DGLUCY: variants seen among roughly 807,000 people sequenced by gnomAD.
DGLUCY encodes D-glutamate cyclase.
Under a neutral mutation model 58.5 loss-of-function variants are expected in DGLUCY, and 58 were observed. The observed-to-expected ratio is 0.99, with a 90% CI of 0.80 to 1.23. The LOEUF (loss-of-function observed/expected upper bound fraction) is 1.23, where lower values mean the gene tolerates loss of function less well. Among genes scored for constraint, DGLUCY ranks in the 50% most tolerant of loss-of-function variants. DGLUCY has a pLI of 0.00. For synonymous variants in DGLUCY, 325 were observed against 314.1 expected (o/e 1.03, Z -0.37); for missense variants, 779 against 784.7 (o/e 0.99, Z 0.09).
At chr14:91,063,087 T>C (rs2043759875) in intron 1 of DGLUCY, among the ~76,000 whole-genome samples, 1 of 152,210 alleles carries the variant, frequency 6.6e-6, no homozygotes, top group African/African-American at 2.4e-5. Flanking sequence ...TACAATAGAA[T>C]GTATCAGGGA....
chr14:91,171,709 A>C (rs2048582361), intron 5 of DGLUCY, among the ~76,000 whole-genome samples: 1 of 152,226 alleles, frequency 6.6e-6, no homozygotes, highest in South Asian at 2.1e-4. Flanking sequence ...TAAATCTTTC[A>C]TAAGCTCTAT....
At chr14:91,173,022 G>T (rs1389296901) in intron 5 of DGLUCY, among the ~76,000 whole-genome samples, 1 of 152,156 alleles carries the variant, frequency 6.6e-6, no homozygotes, top group Non-Finnish European at 1.5e-5. Flanking sequence ...CTTGTATGCA[G>T]TTAAAGGCAT....
chr14:91,060,813 C>T (rs2043648116), intron 1 of DGLUCY: 1 of 166,450 alleles, frequency 6.0e-6, no homozygotes. Flanking sequence ...AGCCTCCCCG[C>T]CTCGCTCCTC....
chr14:91,188,032 GC>G, intron 8 of DGLUCY, among the ~76,000 whole-genome samples: 1 of 152,190 alleles, frequency 6.6e-6, no homozygotes, highest in Non-Finnish European at 1.5e-5. Context: ...TTGCTAGAGT[GC>G]TGTAACCTAG....
chr14:91,062,317 C>T (rs1253125321), intron 1 of DGLUCY, among the ~76,000 whole-genome samples: 1 of 151,580 alleles, frequency 6.6e-6, no homozygotes, highest in African/African-American at 2.4e-5. Context: ...GAGGCTGAGG[C>T]AGATGGATCA....
At chr14:91,138,795 T>G (rs898644442) in intron 1 of DGLUCY, among the ~76,000 whole-genome samples, 1 of 152,028 alleles carries the variant, frequency 6.6e-6, no homozygotes, top group Non-Finnish European at 1.5e-5. Flanking sequence ...AGGATGATGA[T>G]GATTACAATT....
At chr14:91,137,153 C>T (rs530012837) in intron 1 of DGLUCY, among the ~76,000 whole-genome samples, 17 of 149,982 alleles carry the variant, frequency 1.1e-4, no homozygotes, top group Admixed American at 8.6e-4. Flanking sequence ...TTTTTTTTCC[C>T]GTAGAGACAT....
intron 4 of DGLUCY, among the ~76,000 whole-genome samples, chr14:91,169,563 C>T (rs924953883): frequency 1.3e-5 from 2 of 152,114 alleles, no homozygotes; most frequent in African/African-American, 4.8e-5. Context: ...CTGTGTACCA[C>T]CATGCCTGGC....
chr14:91,100,236 A>G (rs953576461), intron 1 of DGLUCY, among the ~76,000 whole-genome samples: 1 of 152,194 alleles, frequency 6.6e-6, no homozygotes, highest in Non-Finnish European at 1.5e-5. Flanking sequence ...TCCTCCGCTT[A>G]GAAATGTCAT....
In DGLUCY at chr14:91,124,062, G is replaced by A. The variant is rs142024243; in HGVS notation, c.-82+9779G>A. Among the ~76,000 whole-genome samples, 519 of 151,798 alleles carry A rather than the reference G, an allele frequency of 3.4e-3. 4 individuals carry two copies. The highest frequency in any genetic ancestry group is 0.01 in the Middle Eastern group (3 of 294). On this transcript the variant is annotated intron_variant, in intron 1 of 13. Coordinates refer to ENST00000256324, the MANE Select transcript of DGLUCY (RefSeq NM_001102368.3). The stretch of plus-strand genomic sequence containing the variant: ...CCTACCTCAACTTCCTGAGTAGCTG[G>A]GACTACAGTCGCACGCCATCATGCC...
chr14:91,118,103 C>A (rs566598130), intron 1 of DGLUCY, among the ~76,000 whole-genome samples: 40 of 107,804 alleles, frequency 3.7e-4, no homozygotes, highest in African/African-American at 1.2e-3. Context: ...TTTTTTTAGA[C>A]GGAGTCTCAC....
Position 91,224,709 on chromosome 14 carries a change from T to C in DGLUCY, c.1742T>C (p.Val581Ala), listed in dbSNP as rs1887978638. ...IKEEKMLGIL[V>A]QHKVRSGVSG... is the part of the protein sequence containing the mutation. ...GAAGAAAAAATGCTGGGCATCTTGG[T>C]GCAGCACAAAGTCCGGAGTGGCGTC... The change falls in exon 14 of 14, where the codon GTG becomes GCG. Residue 581 changes from valine to alanine, a missense_variant. Val to Ala is a moderately conservative substitution (Grantham distance 64). Coordinates refer to ENST00000256324, the MANE Select transcript of DGLUCY (RefSeq NM_001102368.3). 1.9e-6 allele frequency: 3 copies of C among 1,609,872 alleles called. No homozygotes were observed. Among genetic ancestry groups the C allele is most frequent in the Non-Finnish European group, 2.5e-6 (3 of 1,176,624 alleles).
At chr14:91,169,123 GA>G (rs1488340081) in intron 4 of DGLUCY, among the ~76,000 whole-genome samples, 1 of 151,818 alleles carries the variant, frequency 6.6e-6, no homozygotes, top group Non-Finnish European at 1.5e-5. Context: ...ATTAAAAAAA[GA>G]AAAAAAGACT....
chr14:91,105,187 T>C (rs1284202346), upstream of DGLUCY, among the ~76,000 whole-genome samples: 1 of 151,998 alleles, frequency 6.6e-6, no homozygotes, highest in Non-Finnish European at 1.5e-5. Flanking sequence ...TGGTGGTGCA[T>C]GCCTGTAATC....
At chr14:91,156,339 G>T (rs1016634262) in intron 1 of DGLUCY, among the ~76,000 whole-genome samples, 1 of 152,064 alleles carries the variant, frequency 6.6e-6, no homozygotes, top group Non-Finnish European at 1.5e-5. Flanking sequence ...GTCTCAAACT[G>T]CTGGGGTCCA....
At chr14:91,151,763 T>G (rs1405838277) in intron 1 of DGLUCY, among the ~76,000 whole-genome samples, 1 of 151,924 alleles carries the variant, frequency 6.6e-6, no homozygotes, top group Non-Finnish European at 1.5e-5. Flanking sequence ...CAAGAGATTC[T>G]CCTGTCTCAG....
intron 1 of DGLUCY, among the ~76,000 whole-genome samples, chr14:91,121,557 C>T (rs1361620678): frequency 2.7e-5 from 4 of 150,858 alleles, no homozygotes; most frequent in African/African-American, 7.3e-5. Context: ...GATGTGGTGG[C>T]GATCGCGCCA....
At chr14:91,176,940 TC>T (rs1339488104) in intron 7 of DGLUCY, among the ~76,000 whole-genome samples, 3 of 149,974 alleles carry the variant, frequency 2.0e-5, no homozygotes, top group African/African-American at 7.6e-5. Flanking sequence ...CTTCCTTCCT[TC>T]CCTTCTTCTT....
intron 1 of DGLUCY, among the ~76,000 whole-genome samples, chr14:91,070,796 G>A (rs1308781667): frequency 1.3e-5 from 2 of 152,148 alleles, no homozygotes; most frequent in Non-Finnish European, 2.9e-5. Context: ...GACCAAGTCA[G>A]AACAAATGAA....
Sources: allele counts gnomAD v4.1 joint callset (sites outside exome capture counted in the v4.1 genomes callset), GRCh38; gene constraint gnomAD v4.1.1; transcripts MANE v1.5; gene names NCBI Gene and HGNC (gene_info 2026-07-23, HGNC 2026-07-21).